Variants in RAB11FIP1 observed in about 807,000 individuals in gnomAD.
The protein encoded by RAB11FIP1 is RAB11 family interacting protein 1, also known as rab11 family-interacting protein 1.
RAB11FIP1 carries 49 observed loss-of-function variants against 83.1 expected under a neutral mutation model. The observed-to-expected ratio is 0.59, with a 90% CI of 0.47 to 0.75. The LOEUF (loss-of-function observed/expected upper bound fraction) is 0.75. RAB11FIP1 is among the 30% of genes least tolerant of loss of function. RAB11FIP1 has a pLI of 0.00. For missense variants in RAB11FIP1, 1,536 were observed against 1,598.7 expected, an observed-to-expected ratio of 0.96 and a Z score of 0.67; for synonymous variants, 670 against 656.0, an observed-to-expected ratio of 1.02 and a Z score of -0.33.
intron 1 of RAB11FIP1, among the ~76,000 whole-genome samples, chr8:37,887,873 T>C (rs920437458): frequency 3.8e-4 from 58 of 152,232 alleles, no homozygotes; most frequent in African/African-American, 1.4e-3. Context: ...TCGTCAAACT[T>C]ATAATTTTGA....
In RAB11FIP1 at chr8:37,871,274, T is replaced by C. The variant is rs749773048; in HGVS notation, c.3524+4A>G. On this transcript the variant is annotated splice_donor_region_variant and intron_variant, in intron 4 of 5. Transcript: ENST00000330843. ...TTACATAGACAATCTCCCCCATCTC[T>C]CACCTGTGCTTGGCTGACCCAGTTC... 3 of 1,599,276 alleles carry C rather than the reference T, an allele frequency of 1.9e-6. No individual in the cohort carries two copies. Among genetic ancestry groups the C allele is most frequent in the South Asian group, 2.2e-5 (2 of 88,930 alleles).
rs1806493823 is a variant in RAB11FIP1 at position 37,872,498 on chromosome 8, A to AGCTGCATCCCTGGCTTT, written c.2287_2303dup (p.Glu769LysfsTer25). 6.2e-7 allele frequency: 1 copy of AGCTGCATCCCTGGCTTT among 1,613,996 alleles called. No individual in the cohort carries two copies. ...TGGGAAGAGGGGGCGCCACTTCTTC[A>AGCTGCATCCCTGGCTTT]GCTGCATCCCTGGCTTTGCTCTCCA... On this transcript the variant is annotated frameshift_variant, in exon 4 of 6. Coordinates refer to ENST00000330843, the MANE Select transcript of RAB11FIP1 (RefSeq NM_001002814.3). LOFTEE classifies it high-confidence loss of function.
In RAB11FIP1 at chr8:37,861,895, G is replaced by T; in HGVS notation, c.*1000C>A. 1 of 233,432 alleles carries T rather than the reference G, an allele frequency of 4.3e-6. No homozygotes were observed. The allele number at this position is 233,432 out of a possible 1,614,324, so 14.5% of individuals were successfully genotyped here. On this transcript the variant is annotated 3_prime_UTR_variant, in exon 6 of 6. Transcript: ENST00000330843. ...TGAGCCACCACGACTGGCCTGAAGG[G>T]GCTTCTTCATCTTGGGGAGTTGGTG...
chr8:37,859,456 C>G lies in RAB11FIP1; in HGVS notation c.*3439G>C, dbSNP rs1458197379. On this transcript the variant is annotated 3_prime_UTR_variant, in exon 6 of 6. Transcript: ENST00000330843. ...CACACACACCTGTATCTCCTTCATA[C>G]AGGCATATGCAGAGCCCTCACCAAT... is the stretch of plus-strand genomic sequence containing the variant. 6.6e-6 allele frequency: 1 copy of G among 152,212 alleles called. No homozygotes were observed. The highest frequency in any genetic ancestry group is 1.5e-5 in the Non-Finnish European group (1 of 68,046). The allele number at this position is 152,212 out of a possible 1,614,324, so 9.4% of individuals were successfully genotyped here.
intron 1 of RAB11FIP1, among the ~76,000 whole-genome samples, chr8:37,895,243 ATATATATATATATATATTTTTTTTTTTTT>A (rs1807048961): frequency 1.2e-4 from 1 of 8,638 alleles, no homozygotes; most frequent in African/African-American, 5.2e-4. Flanking sequence ...ATATATATAT[ATATATATATATATATATTTTTTTTTTTTT>A]TTTTTTTTTT....
In RAB11FIP1 at chr8:37,861,432, G is replaced by GGGGGTTTTTTTT; in HGVS notation, c.*1462_*1463insAAAAAAAACCCC. ...CCCCAGTATCCCACAAATAATTTGG[G>GGGGGTTTTTTTT]TTTCCTTTTGGGCAGGGAGAGAAAG... On this transcript the variant is annotated 3_prime_UTR_variant, in exon 6 of 6. Transcript: ENST00000330843. The GGGGGTTTTTTTT allele has an allele frequency of 2.8e-6, 1 of 357,418 alleles. No individual in the cohort carries two copies. The highest frequency in any genetic ancestry group is 5.4e-6 in the Non-Finnish European group (1 of 184,494). The allele number at this position is 357,418 out of a possible 1,614,324, so 22.1% of individuals were successfully genotyped here. A position where few individuals can be genotyped will look rare whatever the true frequency, so the allele number is the denominator to read the frequency against.
In RAB11FIP1 at chr8:37,872,393, C is replaced by T. The variant is rs759343639; in HGVS notation, c.2409G>A (p.Lys803=). Reference sequence around the variant, plus strand: ...AAAATGACACACGCTTCTTGGTTTTCTTCTGGTCCTTGCGGAGGTTCAGAC... The same window carrying T: ...AAAATGACACACGCTTCTTGGTTTTTTTCTGGTCCTTGCGGAGGTTCAGAC... ...EMGLNLRKDQ[K]KTKKRVSFSE... The change falls in exon 4 of 6, where the codon AAG becomes AAA. Residue 803 remains lysine, a synonymous_variant. Transcript: ENST00000330843. 2 of 1,614,236 alleles carry T rather than the reference C, an allele frequency of 1.2e-6. No homozygotes were observed. Among genetic ancestry groups the T allele is most frequent in the South Asian group, 2.2e-5 (2 of 91,082 alleles).
intron 1 of RAB11FIP1, among the ~76,000 whole-genome samples, chr8:37,895,720 A>C (rs1339158608): frequency 6.6e-6 from 1 of 152,122 alleles, no homozygotes; most frequent in East Asian, 1.9e-4. Context: ...CTTGACTCTA[A>C]ATAAATGATA....
intron 1 of RAB11FIP1, among the ~76,000 whole-genome samples, chr8:37,895,218 A>AATATATATATATATGTATAT (rs1807040702): frequency 7.3e-5 from 1 of 13,704 alleles, no homozygotes; most frequent in African/African-American, 2.1e-4. Context: ...GGTGCCTGCC[A>AATATATATATATATGTATAT]ATATATATAT....
chr8:37,871,456 A>C lies in RAB11FIP1; in HGVS notation c.3346T>G (p.Ser1116Ala). Reference sequence around the variant, plus strand: ...GCTGTGCTGGTGTGGTGAGTGTCAGAATGTGCAGAGCTGGGGAAAGAGTGT... The same window carrying C: ...GCTGTGCTGGTGTGGTGAGTGTCAGCATGTGCAGAGCTGGGGAAAGAGTGT... ...VTHSFPSSAH[S>A]DTHHTSTAES... The change falls in exon 4 of 6, where the codon TCT (serine) becomes GCT (alanine). Residue 1116 changes from serine to alanine, a missense_variant. Coordinates refer to ENST00000330843, the MANE Select transcript of RAB11FIP1 (RefSeq NM_001002814.3). 6.2e-7 allele frequency: 1 copy of C among 1,614,080 alleles called. No homozygotes were observed. The highest frequency in any genetic ancestry group is 1.1e-5 in the South Asian group (1 of 91,084).
rs768646859 is a variant in RAB11FIP1 at position 37,877,173 on chromosome 8, G to A, written c.750C>T (p.Pro250=). The change falls in exon 2 of 6, where the codon CCC becomes CCT. Residue 250 remains proline, a synonymous_variant. Transcript: ENST00000330843. ...CATCCCACTGGGACTGAAAGTCTCC[G>A]GGACGAAGCAGCACTTTTTCTGGCT... ...TSKPEKVLLR[P]GDFQSQWDED... 1.4e-5 allele frequency: 23 copies of A among 1,614,016 alleles called. No homozygotes were observed. The highest frequency in any genetic ancestry group is 1.6e-4 in the Middle Eastern group (1 of 6,084).
chr8:37,867,778 A>G (rs1457310330), intron 5 of RAB11FIP1, among the ~76,000 whole-genome samples: 1 of 151,964 alleles, frequency 6.6e-6, no homozygotes, highest in Non-Finnish European at 1.5e-5. Context: ...GGAAGGAAGA[A>G]AAAAGTGGGG....
In RAB11FIP1 at chr8:37,873,195, A is replaced by G; in HGVS notation, c.1623-16T>C. On this transcript the variant is annotated splice_polypyrimidine_tract_variant and intron_variant, in intron 3 of 5. Transcript: ENST00000330843. ...CACTTCCAGTCTGCAAAAAGGACAA[A>G]ATAAAATCTGCAGGTCAGTGCAGAT... is the stretch of plus-strand genomic sequence containing the variant. 1 of 1,559,056 alleles carries G rather than the reference A, an allele frequency of 6.4e-7. No homozygotes were observed. The highest frequency in any genetic ancestry group is 8.6e-7 in the Non-Finnish European group (1 of 1,160,936).
rs368503751 is a variant in RAB11FIP1, at chr8:37,871,278, C to A, written c.3524G>T (p.Arg1175Ile). 3.1e-6 allele frequency: 5 copies of A among 1,602,062 alleles called. No homozygotes were observed. The highest frequency in any genetic ancestry group is 4.3e-6 in the Non-Finnish European group (5 of 1,175,648). The stretch of plus-strand genomic sequence containing the variant: ...ATAGACAATCTCCCCCATCTCTCAC[C>A]TGTGCTTGGCTGACCCAGTTCCAGC... Reference protein sequence around the residue: ...PGAGTGSAKHRLHPVKPMNAM... With the variant: ...PGAGTGSAKHILHPVKPMNAM... Residue 1175 changes from arginine to isoleucine, a missense_variant and splice_region_variant, in exon 4 of 6, where the codon AGA becomes ATA. Coordinates refer to ENST00000330843, the MANE Select transcript of RAB11FIP1 (RefSeq NM_001002814.3).
intron 1 of RAB11FIP1, among the ~76,000 whole-genome samples, chr8:37,885,736 A>G (rs1014036002): frequency 1.3e-5 from 2 of 152,224 alleles, no homozygotes; most frequent in African/African-American, 4.8e-5. Flanking sequence ...TGAGTAGCCC[A>G]CTGGGAAGCC....
intron 4 of RAB11FIP1, 26 bp from the exon 5 acceptor site, chr8:37,870,554 T>C (rs749824753): frequency 7.6e-6 from 10 of 1,314,642 alleles, no homozygotes; most frequent in Non-Finnish European, 8.7e-6. Flanking sequence ...AAAGGATCTT[T>C]AGACCCTCCG....
chr8:37,863,151 T>C (rs769729866), intron 5 of RAB11FIP1, 38 bp from the exon 6 acceptor site: 19 of 1,540,718 alleles, frequency 1.2e-5, no homozygotes, highest in Non-Finnish European at 1.7e-5. Context: ...AAAGGAGTTA[T>C]AAAATTAGCA....
Position 37,899,036 on chromosome 8 carries a change from C to T in RAB11FIP1, c.371+35G>A. On this transcript the variant is annotated intron_variant, in intron 1 of 5. Transcript: ENST00000330843. This position sits in a 1 kb window ranked among gnomAD's most constrained non-coding sequence, Gnocchi z 4.5. ...CGCCCTGCCGGAGGGGTCCGCGCCC[C>T]CAGGCCGGGCCCTCCCCTCCCCGCC... The T allele has an allele frequency of 7.0e-7, 1 of 1,436,278 alleles. No homozygotes were observed. The highest frequency in any genetic ancestry group is 9.1e-7 in the Non-Finnish European group (1 of 1,104,784). 89.0% of individuals were successfully genotyped at this position (1,436,278 alleles called of 1,614,324 possible).
intron 2 of RAB11FIP1, among the ~76,000 whole-genome samples, chr8:37,876,768 G>A (rs1227995613): frequency 1.3e-5 from 2 of 151,474 alleles, no homozygotes; most frequent in Admixed American, 1.3e-4. Flanking sequence ...AGCCTCCTGA[G>A]TAGCTGGGAC....
Sources: gnomAD v4.1 joint callset for allele counts (sites outside exome capture counted in the v4.1 genomes callset) on GRCh38, gnomAD v4.1.1 for gene constraint, Gnocchi (gnomAD v3.1) non-coding constraint, MANE v1.5 for transcripts, NCBI Gene and HGNC (gene_info 2026-07-23, HGNC 2026-07-21) for gene names.